ATP7A: variants seen among roughly 807,000 people sequenced by gnomAD.
ATP7A encodes the protein copper-transporting ATPase 1.
A neutral mutation model predicts 83.5 loss-of-function variants in ATP7A; 7 were observed. The observed-to-expected ratio is 0.08, with a 90% CI of 0.05 to 0.16. The LOEUF is 0.16. Ranked by LOEUF, ATP7A falls within the 10% of genes least tolerant of loss-of-function variation. ATP7A has a pLI of 1.00. For missense variants in ATP7A, 940 were observed against 1,120.8 expected (o/e 0.84, Z 2.30); for synonymous variants, 354 against 395.2 (o/e 0.90, Z 1.24).
At chrX:77,955,275 C>T (rs1404475905) in intron 1 of ATP7A, among the ~76,000 whole-genome samples, 1 of 111,453 alleles carries the variant, frequency 9.0e-6, no homozygotes, top group Non-Finnish European at 1.9e-5. Context: ...ATAACATCAA[C>T]ATTTTATTTT....
Position 78,045,405 on chromosome X carries a change from G to A in ATP7A, c.4124-65G>A. The A allele has an allele frequency of 6.8e-6, 6 of 882,995 alleles. No homozygotes were observed. The South Asian group carries it at 1.2e-4, about 18-fold the overall frequency. The allele number at this position is 882,995 out of a possible 1,213,427, so 72.8% of individuals were successfully genotyped here. A position where few individuals can be genotyped will look rare whatever the true frequency, so the allele number is the denominator to read the frequency against. On this transcript the variant is annotated intron_variant, in intron 21 of 22. Transcript: ENST00000341514. ...AAACAAAGAAATGATTTGTATGTAT[G>A]TTAGAAACACATTAATAATCTGTTT...
intron 18 of ATP7A, 43 bp downstream of exon 18, chrX:78,039,025 T>C: frequency 1.7e-6 from 2 of 1,182,953 alleles, no homozygotes; most frequent in Non-Finnish European, 2.3e-6. Context: ...TGTTTTGTTA[T>C]TGTTTTATTA....
intron 2 of ATP7A, among the ~76,000 whole-genome samples, chrX:77,973,266 G>A (rs2077558979): frequency 8.9e-6 from 1 of 111,886 alleles, no homozygotes; most frequent in African/African-American, 3.2e-5. Flanking sequence ...ATTCATTTAC[G>A]TATTGTGTAC....
chrX:78,029,491 A>G (rs986680730), intron 15 of ATP7A, 47 bp downstream of exon 15: 2 of 1,111,019 alleles, frequency 1.8e-6, no homozygotes, highest in Admixed American at 4.4e-5. Flanking sequence ...AACTATCAAT[A>G]GCACCCCTCA....
At chrX:77,958,024 C>G (rs2077454795) in intron 1 of ATP7A, among the ~76,000 whole-genome samples, 1 of 111,014 alleles carries the variant, frequency 9.0e-6, no homozygotes, top group Non-Finnish European at 1.9e-5. Flanking sequence ...GGGTTTGGCA[C>G]CATCTCCTTG....
At position 78,009,210 on chromosome X, in the gene ATP7A, A is replaced by G. The variant is rs781961626; in HGVS notation, c.1816A>G (p.Ile606Val). 1 of 1,210,609 alleles carries G rather than the reference A, an allele frequency of 8.3e-7. No individual in the cohort carries two copies. Among genetic ancestry groups the G allele is most frequent in the East Asian group, 3.0e-5 (1 of 33,834 alleles). ...GGCCCTGGCAACCAACAAAGCACATATTAAATATGACCCAGAAATTATTGG... is the reference window on the plus strand; with the variant it reads ...GGCCCTGGCAACCAACAAAGCACATGTTAAATATGACCCAGAAATTATTGG... The part of the protein sequence containing the change: ...SVALATNKAH[I>V]KYDPEIIGPR... The change falls in exon 7 of 23, where the codon ATT becomes GTT. Residue 606 changes from isoleucine (I) to valine (V), a missense_variant. Physicochemically the swap from Ile to Val is conservative, Grantham distance 29. Around this residue, in one of 3 missense-constraint regions of ATP7A, gnomAD observed 204 missense variants for 185.8 expected, o/e 1.10. Coordinates refer to ENST00000341514, the MANE Select transcript of ATP7A (RefSeq NM_000052.7).
chrX:78,000,018 A>G (rs1313944211), intron 5 of ATP7A, among the ~76,000 whole-genome samples: 1 of 111,278 alleles, frequency 9.0e-6, no homozygotes, highest in Non-Finnish European at 1.9e-5. Context: ...ATGGTTAGTC[A>G]CAGAGCTAAA....
intron 2 of ATP7A, among the ~76,000 whole-genome samples, chrX:77,983,837 A>G (rs1386248597): frequency 9.1e-6 from 1 of 110,035 alleles, no homozygotes; most frequent in African/African-American, 3.3e-5. Context: ...GGCGCCCGCC[A>G]CCATGCCCAG....
intron 1 of ATP7A, among the ~76,000 whole-genome samples, chrX:77,931,897 G>A (rs1204208520): frequency 1.3e-3 from 135 of 100,739 alleles, no homozygotes; most frequent in Non-Finnish European, 1.8e-3. Flanking sequence ...AGGGGCGGCC[G>A]GGCAGAGGCG....
At chrX:78,005,683 C>CAAAAAAAAAAAAA (rs1218646073) in intron 6 of ATP7A, among the ~76,000 whole-genome samples, 183 of 13,530 alleles carry the variant, frequency 0.014, no homozygotes, top group Non-Finnish European at 0.016. Context: ...AACTCCATCT[C>CAAAAAAAAAAAAA]AAAAAAAAAA....
Position 78,050,146 on chromosome X carries a change from A to G in ATP7A, c.*3576A>G, listed in dbSNP as rs1364588811. Reference sequence around the variant, plus strand: ...CTTCAGTTAAAAGAGCTTCTTTCACAGTGTTGATAACAAATGCCTTTTGTA... The same window carrying G: ...CTTCAGTTAAAAGAGCTTCTTTCACGGTGTTGATAACAAATGCCTTTTGTA... On this transcript the variant is annotated 3_prime_UTR_variant, in exon 23 of 23. Coordinates refer to ENST00000341514, the MANE Select transcript of ATP7A (RefSeq NM_000052.7). The G allele has an allele frequency of 8.9e-6, 1 of 112,429 alleles. No homozygotes were observed. Among genetic ancestry groups the G allele is most frequent in the Admixed American group, 9.5e-5 (1 of 10,549 alleles). 9.3% of individuals were successfully genotyped at this position (112,429 alleles called of 1,213,427 possible).
At chrX:78,016,574 C>A in intron 12 of ATP7A, among the ~76,000 whole-genome samples, 1 of 111,674 alleles carries the variant, frequency 9.0e-6, no homozygotes, top group Non-Finnish European at 1.9e-5. Context: ...GCTGTAAAAT[C>A]AAAAACGAGT....
intron 2 of ATP7A, among the ~76,000 whole-genome samples, chrX:77,984,332 C>CTT (rs1183178308): frequency 9.7e-6 from 1 of 102,788 alleles, no homozygotes; most frequent in Non-Finnish European, 2.0e-5. Flanking sequence ...ACATAAGTAC[C>CTT]TTTTTTTTTT....
intron 6 of ATP7A, among the ~76,000 whole-genome samples, chrX:78,003,903 C>T (rs1185590259): frequency 7.2e-5 from 8 of 111,157 alleles, no homozygotes; most frequent in African/African-American, 2.6e-4. Flanking sequence ...GATCACACCA[C>T]TGCACTCCAG....
intron 2 of ATP7A, among the ~76,000 whole-genome samples, chrX:77,984,144 T>A (rs2077621612): frequency 9.0e-6 from 1 of 110,581 alleles, no homozygotes; most frequent in Admixed American, 9.7e-5. Flanking sequence ...GAAGTTATTT[T>A]TGGAGCAGGG....
Position 77,989,387 on chromosome X carries a change from A to G in ATP7A, c.765A>G (p.Leu255=), listed in dbSNP as rs781957871. ...TGGGAGCTATTGATGTAGAACGTCT[A>G]AAGAACACACCAGTTAAATCCTCAG... ...LKLGAIDVER[L]KNTPVKSSEG... Residue 255 remains leucine, a synonymous_variant, in exon 4 of 23, where the codon CTA becomes CTG. Coordinates refer to ENST00000341514, the MANE Select transcript of ATP7A (RefSeq NM_000052.7). 6.6e-6 allele frequency: 8 copies of G among 1,211,697 alleles called. No individual in the cohort carries two copies. In the Admixed American group the frequency reaches 1.7e-4, roughly 26 times the overall value.
rs2077835969 is a variant in ATP7A, at chrX:78,012,754, C to A, written c.2173-125C>A. ...AAACACGATTGTTTTGGCTTAATCT[C>A]CCTTTAGTGTTTATGGATTAGCTAA... is the stretch of plus-strand genomic sequence containing the variant. On this transcript the variant is annotated intron_variant, in intron 9 of 22. Transcript: ENST00000341514. The A allele has an allele frequency of 5.1e-6, 3 of 592,466 alleles. No homozygotes were observed. In the African/African-American group the frequency reaches 6.7e-5, roughly 13 times the overall value. 48.8% of individuals were successfully genotyped at this position (592,466 alleles called of 1,213,427 possible). A position where few individuals can be genotyped will look rare whatever the true frequency, so the allele number is the denominator to read the frequency against.
chrX:77,947,786 C>G (rs1164014402), intron 1 of ATP7A, among the ~76,000 whole-genome samples: 1 of 83,455 alleles, frequency 1.2e-5, no homozygotes, highest in Non-Finnish European at 2.2e-5. Context: ...GTTGCCCAAG[C>G]TGGAGTGCAA....
chrX:77,950,846 A>G (rs1455020730), intron 1 of ATP7A, among the ~76,000 whole-genome samples: 1 of 110,222 alleles, frequency 9.1e-6, no homozygotes, highest in African/African-American at 3.3e-5. Flanking sequence ...ACATGGTGAA[A>G]CCCTGTCTCT....
Sources: allele counts gnomAD v4.1 joint callset (sites outside exome capture counted in the v4.1 genomes callset), GRCh38; gene constraint gnomAD v4.1.1; regional missense constraint gnomAD v4.1.1; transcripts MANE v1.5; gene names NCBI Gene and HGNC (gene_info 2026-07-23, HGNC 2026-07-21).